Variants in CYB5RL observed in about 807,000 individuals in gnomAD.
The protein encoded by CYB5RL is NADH-cytochrome b5 reductase-like.
In CYB5RL, 38 loss-of-function variants were observed where a neutral mutation model predicts 37.5. The ratio of observed to expected loss-of-function variants is 1.01; its 90% confidence interval spans 0.78 to 1.33. The LOEUF (loss-of-function observed/expected upper bound fraction) is 1.33. Ranked by LOEUF, CYB5RL falls within the 40% of genes most tolerant of loss-of-function variation. The pLI, the probability that CYB5RL is intolerant of heterozygous loss-of-function variation, is 0.00. For missense variants in CYB5RL, 388 were observed against 394.4 expected (o/e 0.98, Z 0.14); for synonymous variants, 141 against 151.9 (o/e 0.93, Z 0.53).
At chr1:54,190,157 G>A (rs1483412076) in intron 4 of CYB5RL, among the ~76,000 whole-genome samples, 1 of 152,198 alleles carries the variant, frequency 6.6e-6, no homozygotes, top group African/African-American at 2.4e-5. Flanking sequence ...GTGGGGACTG[G>A]GGTGGGAGTA....
rs1659882408 is a variant in CYB5RL, at chr1:54,171,173, G to T, written c.*3446C>A. The T allele has an allele frequency of 4.4e-6, 2 of 455,922 alleles. No homozygotes were observed. The highest frequency in any genetic ancestry group is 4.7e-5 in the Admixed American group (2 of 42,540). 28.2% of individuals were successfully genotyped at this position (455,922 alleles called of 1,614,324 possible). A position where few individuals can be genotyped will look rare whatever the true frequency, so the allele number is the denominator to read the frequency against. On this transcript the variant is annotated 3_prime_UTR_variant, in exon 8 of 8. Transcript: ENST00000534324. ...GAGCTGAGACCTCAAAAGATGAGGAGGCAAAAAAGGTGAGTGGGAGATCGG... is the reference window on the plus strand; with the variant it reads ...GAGCTGAGACCTCAAAAGATGAGGATGCAAAAAAGGTGAGTGGGAGATCGG...
chr1:54,186,133 A>C (rs1390687263), intron 5 of CYB5RL: 1 of 152,628 alleles, frequency 6.6e-6, no homozygotes, highest in African/African-American at 2.4e-5. Flanking sequence ...AAACGGACTA[A>C]TACATACCCA....
rs117406669 is a variant in CYB5RL at position 54,189,899 on chromosome 1, C to T, written c.347+849G>A. ...CACCTTCTCCTCTGGCCGCACCTTG[C>T]TTCCTTTGCTGGCTCCTCCTCCTCT... On this transcript the variant is annotated intron_variant, in intron 4 of 7. Coordinates refer to ENST00000534324, the MANE Select transcript of CYB5RL (RefSeq NM_001031672.4). Among the ~76,000 whole-genome samples, 62 of 152,350 alleles carry T rather than the reference C, an allele frequency of 4.1e-4. 1 individual carries two copies. In the East Asian group the frequency reaches 0.012, roughly 28 times the overall value.
chr1:54,199,926 G>C (rs371902978), intron 1 of CYB5RL, 50 bp downstream of exon 1: 3 of 366,698 alleles, frequency 8.2e-6, no homozygotes, highest in South Asian at 5.3e-5. Flanking sequence ...CCTTGTCTAA[G>C]TCCAGGTCTG....
rs910040821 is a variant in CYB5RL, at chr1:54,174,518, C to T, written c.*101G>A. Reference sequence around the variant, plus strand: ...CCAAGGTCACCTGGCAAATGAGCAGCAGGACCAGGCCTGGACTCCGTGTCT... The same window carrying T: ...CCAAGGTCACCTGGCAAATGAGCAGTAGGACCAGGCCTGGACTCCGTGTCT... On this transcript the variant is annotated 3_prime_UTR_variant, in exon 8 of 8. Coordinates refer to ENST00000534324, the MANE Select transcript of CYB5RL (RefSeq NM_001031672.4). The T allele has an allele frequency of 4.3e-6, 6 of 1,390,956 alleles. No homozygotes were observed. In the African/African-American group the frequency reaches 8.6e-5, roughly 20 times the overall value. 86.2% of individuals were successfully genotyped at this position (1,390,956 alleles called of 1,614,324 possible).
At chr1:54,198,056 A>AAAAAAGG (rs1348276688) in intron 1 of CYB5RL, among the ~76,000 whole-genome samples, 1 of 138,542 alleles carries the variant, frequency 7.2e-6, no homozygotes, top group African/African-American at 2.7e-5. Flanking sequence ...AAAAAAAAAA[A>AAAAAAGG]GGGTGGTATC....
At chr1:54,191,706 C>T (rs1643955775) in intron 3 of CYB5RL, among the ~76,000 whole-genome samples, 2 of 152,358 alleles carry the variant, frequency 1.3e-5, no homozygotes, top group South Asian at 4.1e-4. Flanking sequence ...GTAGTGCTGA[C>T]AGTATCACTG....
Position 54,171,387 on chromosome 1 carries a change from G to C in CYB5RL, c.*3232C>G. 2.2e-6 allele frequency: 1 copy of C among 456,398 alleles called. No individual in the cohort carries two copies. The allele number at this position is 456,398 out of a possible 1,614,324, so 28.3% of individuals were successfully genotyped here. A position where few individuals can be genotyped will look rare whatever the true frequency, so the allele number is the denominator to read the frequency against. ...ACAGGGAAGGATTTCAAGCAGGGGA[G>C]TGACAGGCTTGGATTTGTGTGTGGG... On this transcript the variant is annotated 3_prime_UTR_variant, in exon 8 of 8. Coordinates refer to ENST00000534324, the MANE Select transcript of CYB5RL (RefSeq NM_001031672.4).
chr1:54,192,171 C>G (rs893320508), intron 3 of CYB5RL, among the ~76,000 whole-genome samples: 9 of 144,652 alleles, frequency 6.2e-5, no homozygotes, highest in Non-Finnish European at 1.2e-4. Flanking sequence ...TTGCATCCAT[C>G]TGTTTGCAAA....
At position 54,174,798 on chromosome 1, in the gene CYB5RL, A is replaced by T. The variant is rs756349100; in HGVS notation, c.769T>A (p.Trp257Arg). 22 of 1,613,524 alleles carry T rather than the reference A, an allele frequency of 1.4e-5. 1 individual carries two copies. The South Asian group carries it at 2.3e-4, about 17-fold the overall frequency. Residue 257 changes from tryptophan to arginine, a missense_variant, in exon 8 of 8, where the codon TGG (tryptophan) becomes AGG (arginine). Coordinates refer to ENST00000534324, the MANE Select transcript of CYB5RL (RefSeq NM_001031672.4). ...SQESSSEQLP[W>R]SYQEKTHFGH... is the part of the protein sequence containing the mutation. Reference sequence around the variant, plus strand: ...AAGTGGGTTTTCTCTTGGTAACTCCAGGGAAGCTGCTCTGAGGAGCTCTCC... The same window carrying T: ...AAGTGGGTTTTCTCTTGGTAACTCCTGGGAAGCTGCTCTGAGGAGCTCTCC...
intron 3 of CYB5RL, among the ~76,000 whole-genome samples, chr1:54,191,903 C>G (rs905870698): frequency 6.6e-6 from 1 of 152,226 alleles, no homozygotes. Flanking sequence ...AGCCCCAGCT[C>G]AGCTGCTGCC....
intron 1 of CYB5RL, among the ~76,000 whole-genome samples, chr1:54,199,419 G>A (rs182783857): frequency 1.5e-4 from 23 of 152,280 alleles, no homozygotes; most frequent in African/African-American, 5.3e-4. Flanking sequence ...TACGGAAAAG[G>A]GATAGGAAGT....
In CYB5RL at chr1:54,195,461, T is replaced by C. The variant is rs754729877; in HGVS notation, c.156A>G (p.Gln52=). The C allele has an allele frequency of 6.2e-7, 1 of 1,611,952 alleles. No individual in the cohort carries two copies. Among genetic ancestry groups the C allele is most frequent in the African/African-American group, 1.3e-5 (1 of 74,858 alleles). Reference sequence around the variant, plus strand: ...GCAGCAGGCTCCTGTCCTTGCTGGCTTGGGCTGCCTCCCACCTTGCCAGAT... The same window carrying C: ...GCAGCAGGCTCCTGTCCTTGCTGGCCTGGGCTGCCTCCCACCTTGCCAGAT... ...HRDLARWEAA[Q]ASKDRSLLRG... Residue 52 remains glutamine, a synonymous_variant, in exon 3 of 8, where the codon CAA becomes CAG. Transcript: ENST00000534324.
intron 1 of CYB5RL, among the ~76,000 whole-genome samples, chr1:54,197,896 T>C (rs1236894775): frequency 1.3e-5 from 2 of 151,416 alleles, no homozygotes; most frequent in Admixed American, 6.6e-5. Flanking sequence ...GGCATGGTGG[T>C]GGGCACCCGT....
chr1:54,184,344 C>T, intron 5 of CYB5RL, 79 bp from the exon 6 acceptor site: 1 of 1,223,390 alleles, frequency 8.2e-7, no homozygotes, highest in Non-Finnish European at 1.2e-6. Context: ...TAATGTGGAG[C>T]CCGTTCTGTA....
In CYB5RL at chr1:54,171,871, A is replaced by G. The variant is rs115167465; in HGVS notation, c.*2748T>C. 0.012 allele frequency: 2,208 copies of G among 186,356 alleles called. 47 individuals carry two copies. Among genetic ancestry groups the G allele is most frequent in the African/African-American group, 0.047 (2,060 of 43,544 alleles). 11.5% of individuals were successfully genotyped at this position (186,356 alleles called of 1,614,324 possible). A position where few individuals can be genotyped will look rare whatever the true frequency, so the allele number is the denominator to read the frequency against. On this transcript the variant is annotated 3_prime_UTR_variant, in exon 8 of 8. Coordinates refer to ENST00000534324, the MANE Select transcript of CYB5RL (RefSeq NM_001031672.4). ...AGCACCTTGTGGGGCACAGCACCCG[A>G]CCCTGCACTCTCAAGTTTCCAGGCG...
At chr1:54,182,005 G>A (rs778736729) in intron 6 of CYB5RL, among the ~76,000 whole-genome samples, 1 of 152,198 alleles carries the variant, frequency 6.6e-6, no homozygotes, top group Admixed American at 6.5e-5. Flanking sequence ...TTCCGTGCAT[G>A]TGAAGGAGCA....
chr1:54,192,317 T>TG (rs1643963011), intron 3 of CYB5RL, among the ~76,000 whole-genome samples: 1 of 151,812 alleles, frequency 6.6e-6, no homozygotes, highest in African/African-American at 2.4e-5. Context: ...CCCAGGTAAC[T>TG]GGGATCACAG....
In CYB5RL at chr1:54,179,968, A is replaced by G. The variant is rs968974076; in HGVS notation, c.541-616T>C. On this transcript the variant is annotated intron_variant, in intron 6 of 7. Coordinates refer to ENST00000534324, the MANE Select transcript of CYB5RL (RefSeq NM_001031672.4). ...ACTTGAAAAAGGTGAGTTCCCGGCCAGGAGTGGTGGCTCACACCTATAAAC... is the reference window on the plus strand; with the variant it reads ...ACTTGAAAAAGGTGAGTTCCCGGCCGGGAGTGGTGGCTCACACCTATAAAC... 8.8e-6 allele frequency: 4 copies of G among 453,814 alleles called. No individual in the cohort carries two copies. In the Admixed American group the frequency reaches 9.4e-5, roughly 11 times the overall value. 28.1% of individuals were successfully genotyped at this position (453,814 alleles called of 1,614,324 possible). A position where few individuals can be genotyped will look rare whatever the true frequency, so the allele number is the denominator to read the frequency against.
Sources: gnomAD v4.1 joint callset for allele counts (sites outside exome capture counted in the v4.1 genomes callset) on GRCh38, gnomAD v4.1.1 for gene constraint, MANE v1.5 for transcripts, NCBI Gene and HGNC (gene_info 2026-07-23, HGNC 2026-07-21) for gene names.